TAF1D: variants seen among roughly 807,000 people sequenced by gnomAD.
TAF1D encodes TATA-box binding protein associated factor, RNA polymerase I subunit D, also known as TATA box-binding protein-associated factor RNA polymerase I subunit D.
A neutral mutation model predicts 26.2 loss-of-function variants in TAF1D; 23 were observed. The ratio of observed to expected loss-of-function variants is 0.88; its 90% CI spans 0.63 to 1.25. The LOEUF (loss-of-function observed/expected upper bound fraction) is 1.25, where lower values mean the gene tolerates loss of function less well. Among genes scored for constraint, TAF1D ranks in the 50% most tolerant of loss-of-function variants. The pLI is 0.00. For synonymous variants in TAF1D, 100 were observed against 105.6 expected (o/e 0.95, Z 0.33); for missense variants, 299 against 322.0 (o/e 0.93, Z 0.55).
chr11:93,730,796 A>G (rs906859279), downstream of TAF1D: 11 of 410,278 alleles, frequency 2.7e-5, no homozygotes, highest in Non-Finnish European at 4.8e-5. Context: ...CCCTAGAACG[A>G]GCCTGAGTTA....
At chr11:93,738,088 G>T (rs370592094) in intron 3 of TAF1D, 21 bp downstream of exon 3, 1 of 1,530,788 alleles carries the variant, frequency 6.5e-7, no homozygotes, top group Non-Finnish European at 8.7e-7. Flanking sequence ...GTGTAGCCAT[G>T]TATGTAAAAT....
At chr11:93,730,472 C>T (rs780647304) in exon 12 of TAF1D, 18 of 748,286 alleles carry the variant, frequency 2.4e-5, no homozygotes, top group African/African-American at 5.1e-5. Flanking sequence ...TTTTGATTAA[C>T]CTTTAAAACT....
chr11:93,734,950 A>G, downstream of TAF1D: 1 of 998,632 alleles, frequency 1.0e-6, no homozygotes, highest in Non-Finnish European at 1.3e-6. Flanking sequence ...TTTTGTGGAG[A>G]TGTGTTTCTT....
rs948617814 is a variant in TAF1D at position 93,739,394 on chromosome 11, A to G, written c.-27-63T>C. The stretch of plus-strand genomic sequence containing the variant: ...CCTAAATATTGACAGTATCTACTAC[A>G]GTGTTGAACGTGGTCAGACTATGCC... On this transcript the variant is annotated intron_variant, in intron 1 of 5. Transcript: ENST00000448108. The G allele has an allele frequency of 4.5e-6, 5 of 1,114,028 alleles. No individual in the cohort carries two copies. The African/African-American group carries it at 7.8e-5, about 17-fold the overall frequency. The allele number at this position is 1,114,028 out of a possible 1,614,324, so 69.0% of individuals were successfully genotyped here.
chr11:93,734,528 G>A, downstream of TAF1D: 1 of 432,034 alleles, frequency 2.3e-6, no homozygotes, highest in South Asian at 1.7e-5. Context: ...TTAAAAGCAT[G>A]GTAGAAATGT....
At position 93,741,405 on chromosome 11, in the gene TAF1D, G is replaced by GCGTGAA. The variant is rs1555019111; in HGVS notation, c.-112_-111insTTCACG. 9.8e-6 allele frequency: 3 copies of GCGTGAA among 306,716 alleles called. No homozygotes were observed. Among genetic ancestry groups the GCGTGAA allele is most frequent in the South Asian group, 5.0e-5 (3 of 59,746 alleles). 19.0% of individuals were successfully genotyped at this position (306,716 alleles called of 1,614,324 possible). A position where few individuals can be genotyped will look rare whatever the true frequency, so the allele number is the denominator to read the frequency against. On this transcript the variant is annotated 5_prime_UTR_variant, in exon 1 of 6. Transcript: ENST00000448108. ...GCCCAAAACCCGCGACTGGCCTGGT[G>GCGTGAA]TCCTAGAGCTCTGTACACACCACCC... is the stretch of plus-strand genomic sequence containing the variant.
downstream of TAF1D, chr11:93,733,258 C>T (rs375706835): frequency 3.9e-5 from 20 of 518,972 alleles, no homozygotes; most frequent in Admixed American, 7.8e-5. Context: ...AGTTCATGCC[C>T]GTTATCATTC....
intron 5 of TAF1D, 73 bp from the exon 6 acceptor site, chr11:93,736,377 G>T (rs972394486): frequency 6.7e-7 from 1 of 1,483,368 alleles, no homozygotes; most frequent in Non-Finnish European, 8.9e-7. Flanking sequence ...ATAGCTGAAT[G>T]CCCTGGATTA....
chr11:93,732,365 G>GT (rs774508210), downstream of TAF1D: 1 of 518,750 alleles, frequency 1.9e-6, no homozygotes, highest in South Asian at 1.4e-5. Flanking sequence ...CACAAATACT[G>GT]TATCAGTAGA....
downstream of TAF1D, chr11:93,732,562 C>A: frequency 2.3e-6 from 1 of 438,688 alleles, no homozygotes; most frequent in Non-Finnish European, 4.6e-6. Flanking sequence ...AATGCTTTCA[C>A]AAACCTCTCA....
intron 3 of TAF1D, 91 bp from the exon 4 acceptor site, chr11:93,737,330 G>T: frequency 1.2e-6 from 1 of 818,734 alleles, no homozygotes. Context: ...CCCCCCCTTA[G>T]CAAAGACTCT....
downstream of TAF1D, chr11:93,734,420 A>G (rs76024561): frequency 8.0e-3 from 2,415 of 302,800 alleles, 53 homozygotes; most frequent in East Asian, 0.055. Context: ...TAACAAATTC[A>G]GGACCCTCTA....
chr11:93,731,932 C>G (rs1180823116), downstream of TAF1D: 3 of 448,062 alleles, frequency 6.7e-6, no homozygotes, highest in African/African-American at 6.1e-5. Context: ...GCTGAAAATT[C>G]CTTATTAAAT....
At chr11:93,732,655 C>G (rs1409447765), downstream of TAF1D, 6 of 305,670 alleles carry the variant, frequency 2.0e-5, no homozygotes, top group Non-Finnish European at 3.3e-5. Flanking sequence ...ACATTTTAAG[C>G]TACAACTCTA....
chr11:93,731,181 T>C, downstream of TAF1D: 1 of 456,078 alleles, frequency 2.2e-6, no homozygotes, highest in South Asian at 1.7e-5. Flanking sequence ...CATCTCGTTT[T>C]AATATGGATA....
intron 3 of TAF1D, among the ~76,000 whole-genome samples, 192 bp from the exon 4 acceptor site, chr11:93,737,431 G>A (rs546401184): frequency 6.6e-6 from 1 of 152,188 alleles, no homozygotes; most frequent in South Asian, 2.1e-4. Context: ...ACCTAAGCTG[G>A]TAACATGGAA....
downstream of TAF1D, chr11:93,733,263 T>C (rs762387940): frequency 7.7e-6 from 4 of 519,192 alleles, no homozygotes; most frequent in Admixed American, 5.8e-5. Context: ...ATGCCCGTTA[T>C]CATTCAGCAG....
In TAF1D at chr11:93,736,714, C is replaced by T. The variant is rs201976988; in HGVS notation, c.673G>A (p.Glu225Lys). The change falls in exon 5 of 6, where the codon GAA (glutamate) becomes AAA (lysine). Residue 225 changes from glutamate (E) to lysine (K), a missense_variant. By Grantham distance (56) the Glu-to-Lys change is moderately conservative. Coordinates refer to ENST00000448108, the MANE Select transcript of TAF1D (RefSeq NM_024116.4). The stretch of plus-strand genomic sequence containing the variant: ...CTTACTGCCAATTTGATATCACATT[C>T]GTTATCTTCAAGATGTGTTGCATCC... ...DEDATHLEDN[E>K]CDIKLAGDSF... is the part of the protein sequence containing the mutation. The T allele has an allele frequency of 2.2e-5, 36 of 1,611,384 alleles. No homozygotes were observed. In the East Asian group the frequency reaches 6.5e-4, roughly 29 times the overall value.
exon 12 of TAF1D, chr11:93,730,344 T>TTGTTATTCGAGGAATTCCATGTTGTG: frequency 9.0e-7 from 1 of 1,110,738 alleles, no homozygotes; most frequent in East Asian, 2.5e-5. Context: ...AGTCAATAAA[T>TTGTTATTCGAGGAATTCCATGTTGTG]TGTTATTCGA....
Sources: gnomAD v4.1 joint callset for allele counts (sites outside exome capture counted in the v4.1 genomes callset) on GRCh38, gnomAD v4.1.1 for gene constraint, MANE v1.5 for transcripts, NCBI Gene and HGNC (gene_info 2026-07-23, HGNC 2026-07-21) for gene names.